Variants in SDK1 observed in about 807,000 individuals in gnomAD.
SDK1 encodes protein sidekick-1.
In SDK1, 157 loss-of-function variants were observed where a neutral mutation model predicts 245.5. The observed-to-expected ratio is 0.64, with a 90% CI of 0.56 to 0.73. The LOEUF (loss-of-function observed/expected upper bound fraction) is 0.73. SDK1 is among the 30% of genes least tolerant of loss of function. The probability of loss-of-function intolerance (pLI) is 0.00; values close to 1 mark genes in which losing one functional copy is unlikely to be tolerated. For synonymous variants in SDK1, 1,647 were observed against 1,278.5 expected, an observed-to-expected ratio of 1.29 and a Z score of -6.15; for missense variants, 3,583 against 3,002.3, an observed-to-expected ratio of 1.19 and a Z score of -4.52.
At chr7:3,937,375 T>C (rs1044050998) in intron 5 of SDK1, among the ~76,000 whole-genome samples, 10 of 152,138 alleles carry the variant, frequency 6.6e-5, no homozygotes, top group African/African-American at 2.4e-4. Context: ...AAGTCATTCT[T>C]CAGATGGAGC....
chr7:3,820,691 C>T (rs752737951), intron 4 of SDK1, among the ~76,000 whole-genome samples: 1 of 152,214 alleles, frequency 6.6e-6, no homozygotes, highest in Non-Finnish European at 1.5e-5. Flanking sequence ...CCCTTCTCTG[C>T]TGTTAAGTTG....
At chr7:3,798,978 T>C (rs1439658595) in intron 4 of SDK1, among the ~76,000 whole-genome samples, 2 of 152,210 alleles carry the variant, frequency 1.3e-5, no homozygotes, top group African/African-American at 2.4e-5. Flanking sequence ...ATTTTTCTCT[T>C]CCCCTCATTC....
chr7:4,267,018 A>G lies in SDK1; in HGVS notation c.*1634A>G. On this transcript the variant is annotated 3_prime_UTR_variant, in exon 45 of 45. Transcript: ENST00000404826. The stretch of plus-strand genomic sequence containing the variant: ...CCCTGCTTACCTAGATGTTTTGTGC[A>G]CCTCCATGGGCAGAGGGTGTGGATA... 1 of 985,426 alleles carries G rather than the reference A, an allele frequency of 1.0e-6. No individual in the cohort carries two copies. The highest frequency in any genetic ancestry group is 4.7e-5 in the South Asian group (1 of 21,270). 61.0% of individuals were successfully genotyped at this position (985,426 alleles called of 1,614,324 possible).
chr7:4,225,647 A>T (rs1031258419), intron 40 of SDK1, among the ~76,000 whole-genome samples: 4 of 152,136 alleles, frequency 2.6e-5, no homozygotes, highest in African/African-American at 7.2e-5. Flanking sequence ...GGCCGTGCGG[A>T]TTAGAAGTAA....
chr7:4,097,423 G>C (rs1419724259), intron 22 of SDK1, among the ~76,000 whole-genome samples: 3 of 152,226 alleles, frequency 2.0e-5, no homozygotes, highest in African/African-American at 7.2e-5. Flanking sequence ...CCCAGAACAG[G>C]GCCTGCTGCA....
intron 1 of SDK1, among the ~76,000 whole-genome samples, chr7:3,554,448 G>C (rs1222810136): frequency 6.6e-6 from 1 of 152,176 alleles, no homozygotes; most frequent in African/African-American, 2.4e-5. Context: ...AAGCAGTTCT[G>C]AGAGTGAAAT....
intron 1 of SDK1, among the ~76,000 whole-genome samples, chr7:3,348,605 ACTAC>A (rs1203661706): frequency 6.6e-6 from 1 of 152,180 alleles, no homozygotes; most frequent in East Asian, 1.9e-4. Flanking sequence ...TACTATGCCC[ACTAC>A]CTGGGCTATG....
chr7:4,045,821 G>A (rs1788980804), intron 17 of SDK1, among the ~76,000 whole-genome samples: 2 of 152,132 alleles, frequency 1.3e-5, no homozygotes, highest in South Asian at 2.1e-4. Flanking sequence ...GGGATGGTGA[G>A]GTTCTCTTCA....
chr7:4,089,563 C>T (rs1457905702), intron 22 of SDK1, among the ~76,000 whole-genome samples: 1 of 152,186 alleles, frequency 6.6e-6, no homozygotes, highest in African/African-American at 2.4e-5. Flanking sequence ...CTTGCCCCTT[C>T]CCCAGGCCTG....
intron 42 of SDK1, among the ~76,000 whole-genome samples, chr7:4,240,690 G>A (rs1419702354): frequency 6.6e-6 from 1 of 152,172 alleles, no homozygotes; most frequent in Non-Finnish European, 1.5e-5. Context: ...GGGACACTGG[G>A]GAGTGTGATG....
At chr7:3,953,412 A>G (rs556068690) in intron 7 of SDK1, among the ~76,000 whole-genome samples, 1 of 152,200 alleles carries the variant, frequency 6.6e-6, no homozygotes, top group East Asian at 1.9e-4. Context: ...TTGATTCTAC[A>G]TGAGAGGCCT....
rs117891570 is a variant in SDK1 at position 3,335,472 on chromosome 7, T to A, written c.298+33588T>A. 9.5e-3 allele frequency among the ~76,000 whole-genome samples: 1,439 copies of A among 152,088 alleles called. 21 individuals carry two copies. The highest frequency in any genetic ancestry group is 0.02 in the Middle Eastern group (6 of 294). On this transcript the variant is annotated intron_variant, in intron 1 of 44. Transcript: ENST00000404826. ...AGACTATAAGCTTCATAGGTAGGAA[T>A]GTTATTTTGCTTCTTGTGTTATCTT...
At chr7:3,846,476 G>A (rs371230126) in intron 5 of SDK1, among the ~76,000 whole-genome samples, 2 of 152,252 alleles carry the variant, frequency 1.3e-5, no homozygotes, top group South Asian at 2.1e-4. Flanking sequence ...CCCAGTGGAG[G>A]CTTTACTGCG....
chr7:3,946,083 A>C lies in SDK1; in HGVS notation c.848-4840A>C, dbSNP rs189335418. ...AGAAAACAGAGGGGAGAAAATTATG[A>C]AGGAACTAACGCTATCAGGTATGCA... On this transcript the variant is annotated intron_variant, in intron 5 of 44. Transcript: ENST00000404826. Among the ~76,000 whole-genome samples the C allele has an allele frequency of 7.2e-4, 109 of 151,272 alleles. 1 individual carries two copies. Among genetic ancestry groups the C allele is most frequent in the South Asian group, 1.3e-3 (6 of 4,760 alleles).
intron 1 of SDK1, among the ~76,000 whole-genome samples, chr7:3,540,412 C>G (rs993749668): frequency 4.0e-5 from 6 of 151,774 alleles, no homozygotes; most frequent in Non-Finnish European, 7.4e-5. Context: ...ATCTCAAAAA[C>G]AAAAAAAGAA....
intron 1 of SDK1, among the ~76,000 whole-genome samples, chr7:3,488,629 C>G (rs1781775164): frequency 6.6e-6 from 1 of 152,154 alleles, no homozygotes; most frequent in Non-Finnish European, 1.5e-5. Flanking sequence ...AGGATGCTTT[C>G]AGCTTCAGGT....
At chr7:3,793,561 C>G (rs901213736) in intron 4 of SDK1, among the ~76,000 whole-genome samples, 2 of 152,156 alleles carry the variant, frequency 1.3e-5, no homozygotes, top group Non-Finnish European at 2.9e-5. Flanking sequence ...CTGCCCTTTA[C>G]AGCTTTTGTA....
intron 5 of SDK1, among the ~76,000 whole-genome samples, chr7:3,938,673 T>C (rs575325718): frequency 7.1e-6 from 1 of 141,394 alleles, no homozygotes; most frequent in African/African-American, 3.1e-5. Flanking sequence ...GATCCTCAGC[T>C]GTTGTTTCTT....
At chr7:3,748,654 C>G (rs538399958) in intron 4 of SDK1, among the ~76,000 whole-genome samples, 2 of 152,282 alleles carry the variant, frequency 1.3e-5, no homozygotes, top group East Asian at 3.9e-4. Flanking sequence ...TCAGTTTCCT[C>G]ATGCTTCATG....
Sources: allele counts gnomAD v4.1 joint callset (sites outside exome capture counted in the v4.1 genomes callset), GRCh38; gene constraint gnomAD v4.1.1; transcripts MANE v1.5; gene names NCBI Gene and HGNC (gene_info 2026-07-23, HGNC 2026-07-21).